The following DSCAM variants were observed in gnomAD, a reference collection of about 807,000 sequenced individuals.
DSCAM encodes DS cell adhesion molecule, also known as cell adhesion molecule DSCAM.
A neutral mutation model predicts 217.7 loss-of-function variants in DSCAM; 47 were observed. The observed-to-expected ratio is 0.22, with a 90% CI of 0.17 to 0.28. The LOEUF (loss-of-function observed/expected upper bound fraction) is 0.28, where lower values mean the gene tolerates loss of function less well. Among genes scored for constraint, DSCAM ranks in the 10% least tolerant of loss-of-function variants. The probability of loss-of-function intolerance (pLI) is 1.00; values close to 1 mark genes in which losing one functional copy is unlikely to be tolerated. For synonymous variants in DSCAM, 1,056 were observed against 1,015.3 expected, an observed-to-expected ratio of 1.04 and a Z score of -0.76; for missense variants, 2,080 against 2,618.3, an observed-to-expected ratio of 0.79 and a Z score of 4.49.
At chr21:40,777,332 G>A (rs901813775) in intron 1 of DSCAM, among the ~76,000 whole-genome samples, 2 of 152,162 alleles carry the variant, frequency 1.3e-5, no homozygotes, top group Non-Finnish European at 2.9e-5. Context: ...GGTGGGAGCC[G>A]AAAACCTTCA....
intron 32 of DSCAM, among the ~76,000 whole-genome samples, chr21:40,038,911 G>GC: frequency 6.7e-6 from 1 of 150,188 alleles, no homozygotes; most frequent in East Asian, 2.0e-4. Flanking sequence ...GTAAACTATC[G>GC]CAAGAACAAA....
intron 3 of DSCAM, among the ~76,000 whole-genome samples, chr21:40,532,319 T>C (rs2076453618): frequency 6.6e-6 from 1 of 152,060 alleles, no homozygotes; most frequent in Non-Finnish European, 1.5e-5. Flanking sequence ...AAATAAAAGA[T>C]CCATCTTTTT....
At chr21:40,592,636 T>C (rs2076992087) in intron 3 of DSCAM, among the ~76,000 whole-genome samples, 1 of 152,164 alleles carries the variant, frequency 6.6e-6, no homozygotes, top group African/African-American at 2.4e-5. Flanking sequence ...TTCTGGCTTC[T>C]TCCTTCACAT....
chr21:40,487,172 T>G (rs996396986), intron 3 of DSCAM, among the ~76,000 whole-genome samples: 1 of 152,084 alleles, frequency 6.6e-6, no homozygotes, highest in Non-Finnish European at 1.5e-5. Flanking sequence ...GACTTATCTA[T>G]GGGTTCATGG....
chr21:40,208,006 G>T (rs778989189), intron 11 of DSCAM, among the ~76,000 whole-genome samples: 1 of 152,202 alleles, frequency 6.6e-6, no homozygotes, highest in African/African-American at 2.4e-5. Flanking sequence ...TACAGTCACA[G>T]CAGGAGTTGC....
chr21:40,256,562 G>A (rs2073375306), intron 11 of DSCAM, among the ~76,000 whole-genome samples: 1 of 152,194 alleles, frequency 6.6e-6, no homozygotes, highest in Non-Finnish European at 1.5e-5. Flanking sequence ...CTGTACCCAG[G>A]AAAGAACTGA....
At chr21:40,591,842 T>C (rs890399281) in intron 3 of DSCAM, among the ~76,000 whole-genome samples, 3 of 152,200 alleles carry the variant, frequency 2.0e-5, no homozygotes, top group African/African-American at 7.2e-5. Flanking sequence ...AGCTTACCAA[T>C]AATATGTATT....
At chr21:40,223,488 A>T (rs1434289505) in intron 11 of DSCAM, among the ~76,000 whole-genome samples, 1 of 152,214 alleles carries the variant, frequency 6.6e-6, no homozygotes, top group Admixed American at 6.5e-5. Flanking sequence ...ATAGGAAGAC[A>T]GCTTTTCTCA....
At chr21:40,235,580 G>A (rs957700172) in intron 11 of DSCAM, among the ~76,000 whole-genome samples, 1 of 152,084 alleles carries the variant, frequency 6.6e-6, no homozygotes, top group African/African-American at 2.4e-5. Context: ...TCGGAAGAAA[G>A]AAAATGGCAC....
At chr21:40,297,433 T>C (rs961876219) in intron 9 of DSCAM, among the ~76,000 whole-genome samples, 46 of 151,974 alleles carry the variant, frequency 3.0e-4, no homozygotes, top group African/African-American at 1.1e-3. Context: ...AAGAGATGAA[T>C]TATCTACACC....
intron 1 of DSCAM, among the ~76,000 whole-genome samples, chr21:40,794,695 A>G (rs2091675793): frequency 6.6e-6 from 1 of 151,044 alleles, no homozygotes; most frequent in Admixed American, 6.6e-5. Context: ...GTCATGGATC[A>G]TCAACTAGTT....
intron 11 of DSCAM, among the ~76,000 whole-genome samples, chr21:40,197,794 T>A (rs2091028805): frequency 6.6e-6 from 1 of 152,248 alleles, no homozygotes; most frequent in South Asian, 2.1e-4. Context: ...AAGGGATTCT[T>A]AATTCCATTT....
At chr21:40,522,253 T>C (rs1048388010) in intron 3 of DSCAM, among the ~76,000 whole-genome samples, 2 of 152,172 alleles carry the variant, frequency 1.3e-5, no homozygotes, top group African/African-American at 4.8e-5. Flanking sequence ...ATGGTGTTGT[T>C]CTCCTTAGGA....
chr21:40,231,777 A>G (rs937455421), intron 11 of DSCAM, among the ~76,000 whole-genome samples: 2 of 152,188 alleles, frequency 1.3e-5, no homozygotes, highest in African/African-American at 4.8e-5. Context: ...TGCTGGGATT[A>G]CAGGAGTGAG....
intron 20 of DSCAM, among the ~76,000 whole-genome samples, chr21:40,107,413 G>A (rs1447701057): frequency 3.9e-5 from 6 of 152,192 alleles, no homozygotes; most frequent in African/African-American, 1.4e-4. Context: ...TTTACAGTAA[G>A]TGTCATGTAG....
At chr21:40,119,868 A>C (rs767514664) in intron 20 of DSCAM, among the ~76,000 whole-genome samples, 2 of 152,104 alleles carry the variant, frequency 1.3e-5, no homozygotes, top group Non-Finnish European at 2.9e-5. Context: ...ACAGATGAGC[A>C]CGTTAGATGC....
At chr21:40,076,486 T>C (rs1237830374) in intron 26 of DSCAM, among the ~76,000 whole-genome samples, 1 of 152,234 alleles carries the variant, frequency 6.6e-6, no homozygotes, top group Non-Finnish European at 1.5e-5. Flanking sequence ...TTCATGAGAC[T>C]GGTCCAAAGA....
intron 3 of DSCAM, among the ~76,000 whole-genome samples, chr21:40,467,188 G>T (rs2075852208): frequency 6.6e-6 from 1 of 152,184 alleles, no homozygotes; most frequent in Non-Finnish European, 1.5e-5. Flanking sequence ...AATATAAGCT[G>T]TTTCTGACAC....
chr21:40,302,156 C>A (rs182277444), intron 9 of DSCAM, among the ~76,000 whole-genome samples: 21 of 152,162 alleles, frequency 1.4e-4, no homozygotes, highest in African/African-American at 4.8e-4. Flanking sequence ...AGCCGGCTTG[C>A]CAATATAGTT....
Sources: allele counts gnomAD v4.1 joint callset (sites outside exome capture counted in the v4.1 genomes callset), GRCh38; gene constraint gnomAD v4.1.1; transcripts MANE v1.5; gene names NCBI Gene and HGNC (gene_info 2026-07-23, HGNC 2026-07-21).